DGAT2: variants seen among roughly 807,000 people sequenced by gnomAD.
DGAT2 encodes the protein diacylglycerol O-acyltransferase 2.
Under a neutral mutation model 48.4 loss-of-function variants are expected in DGAT2, and 33 were observed. That is an observed-to-expected ratio of 0.68 (90% CI 0.52 to 0.91). The LOEUF (loss-of-function observed/expected upper bound fraction) is 0.91, where lower values mean the gene tolerates loss of function less well. Among genes scored for constraint, DGAT2 ranks in the 40% least tolerant of loss-of-function variants. DGAT2 has a pLI of 0.00. For missense variants in DGAT2, 446 were observed against 493.7 expected, an observed-to-expected ratio of 0.90 and a Z score of 0.92; for synonymous variants, 191 against 194.1, an observed-to-expected ratio of 0.98 and a Z score of 0.13.
intron 7 of DGAT2, 95 bp from the exon 8 acceptor site, chr11:75,800,259 C>T (rs1334008175): frequency 2.1e-5 from 30 of 1,418,774 alleles, no homozygotes; most frequent in Admixed American, 9.5e-5. Context: ...TTCCACATGG[C>T]GGGCCCACAG....
At chr11:75,771,783 C>T (rs1015488629) in intron 1 of DGAT2, among the ~76,000 whole-genome samples, 1 of 152,122 alleles carries the variant, frequency 6.6e-6, no homozygotes, top group Non-Finnish European at 1.5e-5. Flanking sequence ...GGCTGCGTCA[C>T]CAAGGGCTCA....
chr11:75,783,968 T>G (rs189732274), intron 1 of DGAT2, among the ~76,000 whole-genome samples: 1 of 152,138 alleles, frequency 6.6e-6, no homozygotes, highest in Non-Finnish European at 1.5e-5. Context: ...GCTCCCACCT[T>G]ACTCCTTTCT....
chr11:75,790,614 C>G, intron 3 of DGAT2, 47 bp from the exon 4 acceptor site: 1 of 1,592,212 alleles, frequency 6.3e-7, no homozygotes. Context: ...CTGCCTTGCC[C>G]AAATGTACCC....
chr11:75,788,460 G>A (rs1294663719), intron 2 of DGAT2, among the ~76,000 whole-genome samples: 2 of 152,158 alleles, frequency 1.3e-5, no homozygotes, highest in African/African-American at 2.4e-5. Flanking sequence ...TCGTCACTCT[G>A]TATTCACTGT....
chr11:75,779,133 A>G (rs1438906903), intron 1 of DGAT2, among the ~76,000 whole-genome samples: 1 of 152,164 alleles, frequency 6.6e-6, no homozygotes, highest in African/African-American at 2.4e-5. Context: ...AGGTGCTCAC[A>G]GACACCCTTC....
intron 1 of DGAT2, among the ~76,000 whole-genome samples, chr11:75,772,205 C>T (rs1254539171): frequency 6.6e-6 from 1 of 152,158 alleles, no homozygotes; most frequent in Non-Finnish European, 1.5e-5. Context: ...TTTGAGGAAG[C>T]TCCCCAAGCC....
At chr11:75,777,867 T>C (rs1403509231) in intron 1 of DGAT2, among the ~76,000 whole-genome samples, 1 of 152,202 alleles carries the variant, frequency 6.6e-6, no homozygotes, top group Non-Finnish European at 1.5e-5. Context: ...CCCCAAATTA[T>C]TTTTCTTCAT....
chr11:75,796,547 C>A lies in DGAT2; in HGVS notation c.634+15C>A, dbSNP rs368295881. On this transcript the variant is annotated intron_variant, in intron 5 of 7. Coordinates refer to ENST00000228027, the MANE Select transcript of DGAT2 (RefSeq NM_032564.5). ...GATGTCTGGAGGTAAGAATCCACCC[C>A]CTGTGCTCCTGCTGGGCACTGTTGT... 5.6e-6 allele frequency: 9 copies of A among 1,608,750 alleles called. No homozygotes were observed. Among genetic ancestry groups the A allele is most frequent in the African/African-American group, 2.7e-5 (2 of 74,832 alleles).
Position 75,796,547 on chromosome 11 carries a change from CCT to C in DGAT2, c.634+16_634+17del, listed in dbSNP as rs1945057210. 6.2e-7 allele frequency: 1 copy of C among 1,608,750 alleles called. No individual in the cohort carries two copies. The highest frequency in any genetic ancestry group is 1.3e-5 in the African/African-American group (1 of 74,832). On this transcript the variant is annotated intron_variant, in intron 5 of 7. Coordinates refer to ENST00000228027, the MANE Select transcript of DGAT2 (RefSeq NM_032564.5). ...GATGTCTGGAGGTAAGAATCCACCCCCTGTGCTCCTGCTGGGCACTGTTGTCA... is the reference window on the plus strand; with the variant it reads ...GATGTCTGGAGGTAAGAATCCACCCCGTGCTCCTGCTGGGCACTGTTGTCA...
Position 75,798,333 on chromosome 11 carries a change from T to C in DGAT2, c.916T>C (p.Tyr306His). The change falls in exon 7 of 8, where the codon TAC becomes CAC. Residue 306 changes from tyrosine (Y) to histidine (H), a missense_variant. Transcript: ENST00000228027. ...GRWVQKKFQK[Y>H]IGFAPCIFHG... Reference sequence around the variant, plus strand: ...ATGGGTCCAGAAGAAGTTCCAGAAATACATTGGTTTCGCCCCATGCATCTT... The same window carrying C: ...ATGGGTCCAGAAGAAGTTCCAGAAACACATTGGTTTCGCCCCATGCATCTT... 1 of 1,614,146 alleles carries C rather than the reference T, an allele frequency of 6.2e-7. No homozygotes were observed. Among genetic ancestry groups the C allele is most frequent in the Non-Finnish European group, 8.5e-7 (1 of 1,180,014 alleles).
At chr11:75,771,343 GGGCTCTTCGTT>G (rs1249959018) in intron 1 of DGAT2, among the ~76,000 whole-genome samples, 1 of 152,036 alleles carries the variant, frequency 6.6e-6, no homozygotes, top group Non-Finnish European at 1.5e-5. Context: ...TTTGGATTGG[GGGCTCTTCGTT>G]CAGAAGAGCC....
chr11:75,793,152 G>C (rs901428258), intron 4 of DGAT2: 2 of 152,296 alleles, frequency 1.3e-5, no homozygotes, highest in Admixed American at 6.5e-5. Flanking sequence ...GTTGGGCTGG[G>C]ACTTTGCCAC....
At chr11:75,787,832 G>T (rs891448028) in intron 2 of DGAT2, among the ~76,000 whole-genome samples, 1 of 152,208 alleles carries the variant, frequency 6.6e-6, no homozygotes, top group Non-Finnish European at 1.5e-5. Context: ...GAGGGAGGCA[G>T]ATGATGAAAG....
intron 1 of DGAT2, 81 bp from the exon 2 acceptor site, chr11:75,784,537 T>C: frequency 1.9e-6 from 3 of 1,568,006 alleles, no homozygotes; most frequent in South Asian, 1.2e-5. Context: ...GAAGGGTACC[T>C]GTGGGAGGTG....
intron 1 of DGAT2, among the ~76,000 whole-genome samples, chr11:75,774,953 A>G (rs530653145): frequency 5.9e-5 from 9 of 152,252 alleles, no homozygotes; most frequent in African/African-American, 1.9e-4. Flanking sequence ...ATGTAGATCC[A>G]TGTTCGGTAT....
chr11:75,774,354 G>A (rs939213239), intron 1 of DGAT2, among the ~76,000 whole-genome samples: 1 of 152,226 alleles, frequency 6.6e-6, no homozygotes, highest in Admixed American at 6.5e-5. Flanking sequence ...GAGCAAAAGT[G>A]TCATAAGAAC....
intron 2 of DGAT2, among the ~76,000 whole-genome samples, chr11:75,786,660 C>T (rs184931035): frequency 1.2e-3 from 181 of 152,326 alleles, no homozygotes; most frequent in Non-Finnish European, 2.1e-3. Context: ...AACCTGGCCT[C>T]GTTGGACAGG....
chr11:75,790,719 C>T lies in DGAT2; in HGVS notation c.417C>T (p.Tyr139=), dbSNP rs199672391. ...CTGTGTGGCGCTACTTTCGAGACTA[C>T]TTTCCCATCCAGGTAAAGTGCTGTG... ...NWAVWRYFRD[Y]FPIQLVKTHN... is the part of the protein sequence containing the mutation. The change falls in exon 4 of 8, where the codon TAC becomes TAT. Residue 139 remains tyrosine, a synonymous_variant. Transcript: ENST00000228027. 16 of 1,614,088 alleles carry T rather than the reference C, an allele frequency of 9.9e-6. No homozygotes were observed. Among genetic ancestry groups the T allele is most frequent in the African/African-American group, 2.7e-5 (2 of 74,920 alleles).
At chr11:75,776,538 A>G (rs1192147778) in intron 1 of DGAT2, 1 of 152,216 alleles carries the variant, frequency 6.6e-6, no homozygotes, top group Non-Finnish European at 1.5e-5. Context: ...GCATGTGCTA[A>G]AAGACTGACC....
Sources: allele counts gnomAD v4.1 joint callset (sites outside exome capture counted in the v4.1 genomes callset), GRCh38; gene constraint gnomAD v4.1.1; transcripts MANE v1.5; gene names NCBI Gene and HGNC (gene_info 2026-07-23, HGNC 2026-07-21).